BLOC1S5: variants seen among roughly 807,000 people sequenced by gnomAD.
BLOC1S5 encodes biogenesis of lysosomal organelles complex 1 subunit 5, also known as biogenesis of lysosome-related organelles complex 1 subunit 5.
A neutral mutation model predicts 24.3 loss-of-function variants in BLOC1S5; 27 were observed. That is an observed-to-expected ratio of 1.11 (90% CI 0.82 to 1.53). The LOEUF is 1.53. Among genes scored for constraint, BLOC1S5 ranks in the 40% most tolerant of loss-of-function variants. The pLI is 0.00. For synonymous variants in BLOC1S5, 84 were observed against 74.5 expected, an observed-to-expected ratio of 1.13 and a Z score of -0.66; for missense variants, 239 against 229.4, an observed-to-expected ratio of 1.04 and a Z score of -0.27.
At chr6:8,019,269 C>CTT (rs3030896) in intron 4 of BLOC1S5, among the ~76,000 whole-genome samples, 52,926 of 138,568 alleles carry the variant, frequency 0.38, 11,413 homozygotes, top group East Asian at 0.76. Context: ...GGCATTCTTA[C>CTT]TTTTTTTTTT....
chr6:8,035,282 C>G (rs1190291675), intron 3 of BLOC1S5, among the ~76,000 whole-genome samples: 1 of 151,374 alleles, frequency 6.6e-6, no homozygotes. Context: ...AAGAACTTAT[C>G]CATATACCCA....
chr6:8,054,633 T>C (rs1201703093), intron 2 of BLOC1S5, among the ~76,000 whole-genome samples: 1 of 152,248 alleles, frequency 6.6e-6, no homozygotes, highest in Non-Finnish European at 1.5e-5. Context: ...ACAACTGCGT[T>C]TTCTTGCCCT....
At chr6:8,030,185 G>C (rs1763249070) in intron 3 of BLOC1S5, among the ~76,000 whole-genome samples, 1 of 151,982 alleles carries the variant, frequency 6.6e-6, no homozygotes, top group African/African-American at 2.4e-5. Flanking sequence ...TTTGAGATGG[G>C]GTCTCACTCT....
rs925673589 is a variant in BLOC1S5, at chr6:8,025,326, G to A, written c.384+1041C>T. On this transcript the variant is annotated intron_variant, in intron 4 of 4. Coordinates refer to ENST00000397457, the MANE Select transcript of BLOC1S5 (RefSeq NM_201280.3). ...GTCCAGCCTGGCATGGTCCACTTAC[G>A]TCCCCAGCCCTGCCTGCCTTTCCAG... Among the ~76,000 whole-genome samples the A allele has an allele frequency of 7.2e-5, 11 of 152,134 alleles. No individual in the cohort carries two copies. In the South Asian group the frequency reaches 8.3e-4, roughly 11 times the overall value.
chr6:8,038,852 C>T (rs747284810), intron 3 of BLOC1S5, among the ~76,000 whole-genome samples: 10 of 152,126 alleles, frequency 6.6e-5, no homozygotes, highest in Non-Finnish European at 1.0e-4. Context: ...AGGGAACTCT[C>T]GTATACTATT....
intron 2 of BLOC1S5, among the ~76,000 whole-genome samples, chr6:8,047,575 A>G (rs773058487): frequency 1.6e-4 from 24 of 152,086 alleles, no homozygotes; most frequent in South Asian, 8.3e-4. Context: ...TATGTTTCTT[A>G]AGTCCTTTTT....
At chr6:8,039,534 A>T (rs1763609946) in intron 3 of BLOC1S5, among the ~76,000 whole-genome samples, 1 of 152,356 alleles carries the variant, frequency 6.6e-6, no homozygotes, top group East Asian at 1.9e-4. Context: ...ATATGAAAGC[A>T]TTAAATTACC....
Position 8,035,347 on chromosome 6 carries a change from T to C in BLOC1S5, c.325+5792A>G, listed in dbSNP as rs867197376. Among the ~76,000 whole-genome samples the C allele has an allele frequency of 5.0e-3, 568 of 114,104 alleles. 3 individuals carry two copies. The East Asian group carries it at 0.095, about 19-fold the overall frequency. The allele number at this position is 114,104 out of a possible 152,430, so 74.9% of individuals were successfully genotyped here. On this transcript the variant is annotated intron_variant, in intron 3 of 4. Transcript: ENST00000397457. ...AATTTTCAAAAAGGAATAAAAATCT[T>C]TTTTTTTTTTTTAAAAAAAAGGCAT... is the stretch of plus-strand genomic sequence containing the variant.
At chr6:8,042,466 G>C (rs913361756) in intron 2 of BLOC1S5, among the ~76,000 whole-genome samples, 3 of 152,196 alleles carry the variant, frequency 2.0e-5, no homozygotes, top group African/African-American at 7.2e-5. Context: ...TTCCTCCGTT[G>C]GTATAAAACC....
At chr6:8,043,273 A>G (rs1763753851) in intron 2 of BLOC1S5, among the ~76,000 whole-genome samples, 1 of 152,210 alleles carries the variant, frequency 6.6e-6, no homozygotes, top group East Asian at 1.9e-4. Context: ...TATTAACATT[A>G]TAGTAGAGAA....
chr6:8,023,512 C>T (rs1198619884), intron 4 of BLOC1S5, among the ~76,000 whole-genome samples: 2 of 152,054 alleles, frequency 1.3e-5, no homozygotes, highest in Non-Finnish European at 2.9e-5. Flanking sequence ...ATCACTTGAA[C>T]CCGGGAGGCA....
At chr6:8,021,035 A>T (rs2113515515) in intron 4 of BLOC1S5, among the ~76,000 whole-genome samples, 1 of 152,346 alleles carries the variant, frequency 6.6e-6, no homozygotes, top group South Asian at 2.1e-4. Flanking sequence ...AACAGAATAC[A>T]GTCTACACAT....
At chr6:8,061,292 A>G (rs1465269120) in intron 2 of BLOC1S5, among the ~76,000 whole-genome samples, 2 of 152,220 alleles carry the variant, frequency 1.3e-5, no homozygotes, top group Non-Finnish European at 2.9e-5. Flanking sequence ...AAAAGACTTA[A>G]AAATTTTTTT....
intron 2 of BLOC1S5, among the ~76,000 whole-genome samples, chr6:8,048,662 T>C (rs896198211): frequency 6.6e-6 from 1 of 152,198 alleles, no homozygotes; most frequent in Non-Finnish European, 1.5e-5. Context: ...TTTAACTTTT[T>C]CTTTTGAAGG....
intron 3 of BLOC1S5, among the ~76,000 whole-genome samples, chr6:8,028,556 A>T (rs1211144290): frequency 2.6e-5 from 4 of 152,124 alleles, no homozygotes; most frequent in Non-Finnish European, 5.9e-5. Context: ...TCTGAGCCTA[A>T]CCTAAAAAAA....
chr6:8,045,460 T>C (rs1164765198), intron 2 of BLOC1S5, among the ~76,000 whole-genome samples: 2 of 152,110 alleles, frequency 1.3e-5, no homozygotes, highest in East Asian at 3.9e-4. Flanking sequence ...GGGCACTGCC[T>C]AGCGGAGTTG....
chr6:8,027,279 A>C (rs1763139438), intron 3 of BLOC1S5: 1 of 452,894 alleles, frequency 2.2e-6, no homozygotes, highest in African/African-American at 2.0e-5. Flanking sequence ...CAGTTGTGTG[A>C]ATGATCTTGG....
In BLOC1S5 at chr6:8,015,648, C is replaced by T; in HGVS notation, c.*1G>A. ...GTTTGTGATTGTTGTGGTTCAAGTT[C>T]TTAAAAGGTTGAAAATTTCGCTAGG... On this transcript the variant is annotated 3_prime_UTR_variant, in exon 5 of 5. Coordinates refer to ENST00000397457, the MANE Select transcript of BLOC1S5 (RefSeq NM_201280.3). 1 of 1,609,612 alleles carries T rather than the reference C, an allele frequency of 6.2e-7. No individual in the cohort carries two copies. The highest frequency in any genetic ancestry group is 8.5e-7 in the Non-Finnish European group (1 of 1,178,268).
rs182741703 is a variant in BLOC1S5, at chr6:8,058,127, T to C, written c.195+4407A>G. The stretch of plus-strand genomic sequence containing the variant: ...CTTGCTATCAACACCTAAATTTTAT[T>C]TGGAGTGGTAACATGCCTATAACAG... On this transcript the variant is annotated intron_variant, in intron 2 of 4. Coordinates refer to ENST00000397457, the MANE Select transcript of BLOC1S5 (RefSeq NM_201280.3). 1.1e-4 allele frequency among the ~76,000 whole-genome samples: 17 copies of C among 152,248 alleles called. 1 individual carries two copies. The East Asian group carries it at 3.3e-3, about 29-fold the overall frequency.
Sources: gnomAD v4.1 joint callset for allele counts (sites outside exome capture counted in the v4.1 genomes callset) on GRCh38, gnomAD v4.1.1 for gene constraint, MANE v1.5 for transcripts, NCBI Gene and HGNC (gene_info 2026-07-23, HGNC 2026-07-21) for gene names.